The following EFCAB7 variants were observed in gnomAD, a reference collection of about 807,000 sequenced individuals.
The protein encoded by EFCAB7 is EF-hand calcium binding domain 7.
Under a neutral mutation model 77.1 loss-of-function variants are expected in EFCAB7, and 66 were observed. That is an observed-to-expected ratio of 0.86 (90% CI 0.70 to 1.05). EFCAB7 has a LOEUF of 1.05. Ranked by LOEUF, EFCAB7 falls within the 50% of genes least tolerant of loss-of-function variation. The pLI is 0.00. For synonymous variants in EFCAB7, 225 were observed against 243.3 expected, an observed-to-expected ratio of 0.92 and a Z score of 0.70; for missense variants, 638 against 730.5, an observed-to-expected ratio of 0.87 and a Z score of 1.46.
At chr1:63,528,963 C>CA (rs144879638) in intron 2 of EFCAB7, among the ~76,000 whole-genome samples, 23,311 of 148,802 alleles carry the variant, frequency 0.16, 2,194 homozygotes, top group South Asian at 0.22. Flanking sequence ...ATTTTAGAGG[C>CA]AAAAAAAAAA....
intron 6 of EFCAB7, among the ~76,000 whole-genome samples, chr1:63,538,930 C>T (rs1357605108): frequency 1.3e-5 from 2 of 152,098 alleles, no homozygotes; most frequent in African/African-American, 4.8e-5. Context: ...TGGTATTTGT[C>T]TTACTTTAAT....
intron 7 of EFCAB7, chr1:63,548,787 T>C (rs1646929766): frequency 6.6e-6 from 1 of 152,440 alleles, no homozygotes; most frequent in South Asian, 2.1e-4. Context: ...CTTTTTCTTA[T>C]TGTTAGGAAA....
intron 6 of EFCAB7, among the ~76,000 whole-genome samples, chr1:63,535,404 G>C (rs143346858): frequency 6.1e-4 from 93 of 152,080 alleles, no homozygotes; most frequent in Non-Finnish European, 8.8e-4. Context: ...GACTACCTTG[G>C]TATATGCTAC....
chr1:63,536,692 TAA>T (rs1324081481), intron 6 of EFCAB7: 12 of 152,322 alleles, frequency 7.9e-5, no homozygotes, highest in Middle Eastern at 3.4e-3. Flanking sequence ...CATTTTTCTT[TAA>T]GTCTTGTTTC....
the EFCAB7 span, among the ~76,000 whole-genome samples, chr1:63,583,690 C>T: frequency 1.3e-5 from 2 of 151,666 alleles, no homozygotes; most frequent in African/African-American, 2.4e-5. Flanking sequence ...GATATGAAGC[C>T]GAGATGGCCT....
intron 8 of EFCAB7, among the ~76,000 whole-genome samples, chr1:63,553,714 A>G (rs991538354): frequency 6.6e-6 from 1 of 152,226 alleles, no homozygotes; most frequent in Non-Finnish European, 1.5e-5. Flanking sequence ...GACCTTAAGA[A>G]GATTATGATT....
At chr1:63,566,869 AATT>A (rs1292507679) in intron 11 of EFCAB7, among the ~76,000 whole-genome samples, 3 of 149,202 alleles carry the variant, frequency 2.0e-5, no homozygotes, top group Non-Finnish European at 4.5e-5. Context: ...AATATTTTAT[AATT>A]ATTTTATTTT....
chr1:63,546,385 G>C (rs1408335133), intron 7 of EFCAB7, among the ~76,000 whole-genome samples: 1 of 149,084 alleles, frequency 6.7e-6, no homozygotes, highest in Non-Finnish European at 1.5e-5. Flanking sequence ...TTTTTTTTGA[G>C]ACGGAGTCTC....
chr1:63,524,624 G>C (rs1646548259), intron 1 of EFCAB7, among the ~76,000 whole-genome samples: 1 of 152,152 alleles, frequency 6.6e-6, no homozygotes, highest in Non-Finnish European at 1.5e-5. Context: ...AGAAGTCAAA[G>C]CTGGGTAGAG....
chr1:63,567,660 G>A (rs1407944407), intron 11 of EFCAB7, among the ~76,000 whole-genome samples: 1 of 152,056 alleles, frequency 6.6e-6, no homozygotes, highest in African/African-American at 2.4e-5. Context: ...AGAACACTAC[G>A]TATGAAGGGC....
chr1:63,530,299 G>A (rs1341578719), intron 2 of EFCAB7, among the ~76,000 whole-genome samples: 1 of 152,054 alleles, frequency 6.6e-6, no homozygotes, highest in Admixed American at 6.6e-5. Context: ...CAGATCTTGT[G>A]AATTTCTATA....
intron 10 of EFCAB7, 30 bp from the exon 11 acceptor site, chr1:63,561,679 G>T: frequency 6.8e-7 from 1 of 1,471,994 alleles, no homozygotes; most frequent in Non-Finnish European, 9.2e-7. Flanking sequence ...TTTAAATTAT[G>T]TAAGAAAAAA....
the EFCAB7 span, among the ~76,000 whole-genome samples, chr1:63,577,979 AGAG>A: frequency 6.7e-6 from 1 of 150,160 alleles, no homozygotes; most frequent in Non-Finnish European, 1.5e-5. Flanking sequence ...TAATATAAAA[AGAG>A]GACACATTTT....
chr1:63,551,281 T>G (rs1056322395), intron 7 of EFCAB7, among the ~76,000 whole-genome samples: 5 of 152,220 alleles, frequency 3.3e-5, no homozygotes, highest in African/African-American at 1.2e-4. Flanking sequence ...TTGCAAATGC[T>G]ATCATGTTTA....
intron 12 of EFCAB7, chr1:63,570,791 G>A: frequency 3.2e-6 from 1 of 315,340 alleles, no homozygotes; most frequent in African/African-American, 2.2e-5. Flanking sequence ...AAGATTAAAA[G>A]GTAAGTAAGT....
chr1:63,562,445 TTATTTATATATA>T (rs1453977752), intron 11 of EFCAB7, among the ~76,000 whole-genome samples: 10,090 of 70,734 alleles, frequency 0.14, 980 homozygotes, highest in Middle Eastern at 0.22. Flanking sequence ...CCTTCTTAAT[TTATTTATATATA>T]TATATATATA....
intron 11 of EFCAB7, among the ~76,000 whole-genome samples, chr1:63,562,754 T>C (rs541201262): frequency 5.1e-4 from 77 of 151,622 alleles, no homozygotes; most frequent in African/African-American, 1.8e-3. Flanking sequence ...ATTTAAAATA[T>C]AGAATTTAAG....
intron 2 of EFCAB7, among the ~76,000 whole-genome samples, chr1:63,526,724 G>A (rs1306148137): frequency 6.6e-6 from 1 of 151,984 alleles, no homozygotes; most frequent in Non-Finnish European, 1.5e-5. Flanking sequence ...TTAAGTATTT[G>A]TGTTTAATTC....
intron 11 of EFCAB7, among the ~76,000 whole-genome samples, chr1:63,563,964 T>A (rs1647141381): frequency 6.6e-6 from 1 of 152,058 alleles, no homozygotes; most frequent in African/African-American, 2.4e-5. Flanking sequence ...TTGCCCCCCT[T>A]TTTTTTCTGT....
Sources: gnomAD v4.1 joint callset for allele counts (sites outside exome capture counted in the v4.1 genomes callset) on GRCh38, gnomAD v4.1.1 for gene constraint, MANE v1.5 for transcripts, NCBI Gene and HGNC (gene_info 2026-07-23, HGNC 2026-07-21) for gene names.